The following RABGAP1L variants were observed in gnomAD, a reference collection of about 807,000 sequenced individuals.
The protein encoded by RABGAP1L is rab GTPase-activating protein 1-like.
Under a neutral mutation model 137.7 loss-of-function variants are expected in RABGAP1L, and 63 were observed. The ratio of observed to expected loss-of-function variants is 0.46; its 90% CI spans 0.37 to 0.56. The LOEUF is 0.56. RABGAP1L is among the 20% of genes least tolerant of loss of function. The pLI, the probability that RABGAP1L is intolerant of heterozygous loss-of-function variation, is 0.00. For synonymous variants in RABGAP1L, 431 were observed against 433.7 expected, an observed-to-expected ratio of 0.99 and a Z score of 0.08; for missense variants, 1,095 against 1,244.0, an observed-to-expected ratio of 0.88 and a Z score of 1.80.
chr1:174,687,177 G>A (rs1572811651), intron 15 of RABGAP1L, among the ~76,000 whole-genome samples: 1 of 152,022 alleles, frequency 6.6e-6, no homozygotes, highest in African/African-American at 2.4e-5. Context: ...TTCAAATAAC[G>A]AGAGCTCAAA....
chr1:174,670,709 T>C (rs909915512), intron 14 of RABGAP1L, among the ~76,000 whole-genome samples: 22 of 152,182 alleles, frequency 1.4e-4, no homozygotes, highest in Admixed American at 1.4e-3. Flanking sequence ...GTTCCATCCA[T>C]GTTGTTGCAA....
intron 13 of RABGAP1L, among the ~76,000 whole-genome samples, chr1:174,527,204 G>GT (rs57011947): frequency 0.024 from 2,900 of 119,586 alleles, 81 homozygotes; most frequent in African/African-American, 0.067. Context: ...TTTTTATTTT[G>GT]TTTTTTTTTT....
intron 17 of RABGAP1L, among the ~76,000 whole-genome samples, chr1:174,714,511 A>G (rs1253750072): frequency 1.3e-5 from 2 of 152,258 alleles, no homozygotes; most frequent in South Asian, 2.1e-4. Context: ...AGTAACGGAC[A>G]TAATTATTTT....
chr1:174,730,440 C>A (rs768387323), intron 17 of RABGAP1L, among the ~76,000 whole-genome samples: 2 of 152,168 alleles, frequency 1.3e-5, no homozygotes, highest in Non-Finnish European at 2.9e-5. Flanking sequence ...TGTAACCGAC[C>A]TGCATATGTA....
chr1:174,430,715 G>T (rs1009001502), intron 13 of RABGAP1L, among the ~76,000 whole-genome samples: 1 of 152,156 alleles, frequency 6.6e-6, no homozygotes, highest in African/African-American at 2.4e-5. Flanking sequence ...TTGGAAGTCA[G>T]TAATATGTAG....
At chr1:174,944,009 G>A (rs1425110626) in intron 19 of RABGAP1L, among the ~76,000 whole-genome samples, 2 of 152,000 alleles carry the variant, frequency 1.3e-5, no homozygotes, top group African/African-American at 2.4e-5. Flanking sequence ...AATGGCTCAC[G>A]CCTATAATCC....
At chr1:174,984,674 A>G (rs1300146783) in intron 24 of RABGAP1L, among the ~76,000 whole-genome samples, 1 of 152,244 alleles carries the variant, frequency 6.6e-6, no homozygotes, top group East Asian at 1.9e-4. Flanking sequence ...CCCAGGAGGC[A>G]GAGGTTGCAG....
chr1:174,190,316 A>AGAAAG (rs528846882), intron 1 of RABGAP1L, among the ~76,000 whole-genome samples: 2 of 150,776 alleles, frequency 1.3e-5, no homozygotes, highest in African/African-American at 4.9e-5. Flanking sequence ...AAAAAAAAAA[A>AGAAAG]AAAGAAAGAA....
intron 17 of RABGAP1L, among the ~76,000 whole-genome samples, chr1:174,707,778 C>A (rs1442546971): frequency 1.3e-5 from 2 of 152,190 alleles, no homozygotes; most frequent in Non-Finnish European, 2.9e-5. Context: ...TTTCTAATCA[C>A]CTTCCCCTCC....
At chr1:174,932,012 TTTG>T (rs1429256578) in intron 19 of RABGAP1L, among the ~76,000 whole-genome samples, 10 of 146,128 alleles carry the variant, frequency 6.8e-5, no homozygotes, top group African/African-American at 2.6e-4. Context: ...TTTTTTTTTT[TTTG>T]CCTGTCCAGT....
At chr1:174,963,738 A>C (rs1223891645) in intron 20 of RABGAP1L, among the ~76,000 whole-genome samples, 2 of 151,862 alleles carry the variant, frequency 1.3e-5, no homozygotes, top group African/African-American at 4.8e-5. Context: ...ACACAACCAC[A>C]CCTGTTTATT....
In RABGAP1L at chr1:174,662,406, G is replaced by GTTGTTTGT. The variant is rs556333223; in HGVS notation, c.1825-21097_1825-21090dup. Among the ~76,000 whole-genome samples, 1,047 of 150,114 alleles carry GTTGTTTGT rather than the reference G, an allele frequency of 7.0e-3. 9 individuals carry two copies. The highest frequency in any genetic ancestry group is 0.025 in the African/African-American group (1,000 of 40,716). On this transcript the variant is annotated intron_variant, in intron 14 of 25. Coordinates refer to ENST00000681986, the MANE Select transcript of RABGAP1L (RefSeq NM_001366446.1). ...GGCGTGAGCCACCGCGCCTGGCCTG[G>GTTGTTTGT]TTGTTTGTTTGTTTGTTTGTTTGTT... is the stretch of plus-strand genomic sequence containing the variant.
chr1:174,635,351 G>A lies in RABGAP1L; in HGVS notation c.1711-2024G>A, dbSNP rs138954621. On this transcript the variant is annotated intron_variant, in intron 13 of 25. Transcript: ENST00000681986. ...TAACATTTTTATTCCTCATCTTTCA[G>A]GTAGTTTATAAGTGGAAACTATTAA... Among the ~76,000 whole-genome samples, 109 of 152,148 alleles carry A rather than the reference G, an allele frequency of 7.2e-4. 1 individual carries two copies. Among genetic ancestry groups the A allele is most frequent in the African/African-American group, 2.4e-3 (101 of 41,492 alleles).
At chr1:174,170,894 A>G (rs947714604) in intron 1 of RABGAP1L, among the ~76,000 whole-genome samples, 1 of 152,196 alleles carries the variant, frequency 6.6e-6, no homozygotes, top group Non-Finnish European at 1.5e-5. Context: ...TTATTGGATA[A>G]TATTTGAGAC....
rs879516938 is a variant in RABGAP1L, at chr1:174,234,286, C to T, written c.542+2931C>T. Among the ~76,000 whole-genome samples, 631 of 120,062 alleles carry T rather than the reference C, an allele frequency of 5.3e-3. 3 individuals carry two copies. Among genetic ancestry groups the T allele is most frequent in the South Asian group, 8.5e-3 (31 of 3,636 alleles). The allele number at this position is 120,062 out of a possible 152,430, so 78.8% of individuals were successfully genotyped here. Reference sequence around the variant, plus strand: ...TTTAGTTTAATTAGATCCCATTTGTCAATTTTGTCTTTTGTTGCCATTGCT... The same window carrying T: ...TTTAGTTTAATTAGATCCCATTTGTTAATTTTGTCTTTTGTTGCCATTGCT... On this transcript the variant is annotated intron_variant, in intron 4 of 25. Coordinates refer to ENST00000681986, the MANE Select transcript of RABGAP1L (RefSeq NM_001366446.1).
chr1:174,863,075 G>T (rs573813686), intron 19 of RABGAP1L, among the ~76,000 whole-genome samples: 1 of 151,092 alleles, frequency 6.6e-6, no homozygotes, highest in African/African-American at 2.4e-5. Flanking sequence ...TGTATTTTTA[G>T]TAGAGACGGG....
intron 13 of RABGAP1L, among the ~76,000 whole-genome samples, chr1:174,496,856 T>C (rs1311244013): frequency 6.6e-6 from 1 of 152,206 alleles, no homozygotes; most frequent in Non-Finnish European, 1.5e-5. Context: ...GACCAAGTTA[T>C]GTTTAGTTGG....
chr1:174,666,577 TG>T, intron 14 of RABGAP1L, among the ~76,000 whole-genome samples: 1 of 152,338 alleles, frequency 6.6e-6, no homozygotes, highest in Non-Finnish European at 1.5e-5. Context: ...TTTGACCCAT[TG>T]TTGCACTCTC....
At chr1:174,631,943 T>C (rs1276579226) in intron 13 of RABGAP1L, among the ~76,000 whole-genome samples, 2 of 105,118 alleles carry the variant, frequency 1.9e-5, no homozygotes, top group Non-Finnish European at 3.8e-5. Flanking sequence ...ATTATGATGT[T>C]AGCTGGTGAT....
Sources: allele counts gnomAD v4.1 joint callset (sites outside exome capture counted in the v4.1 genomes callset), GRCh38; gene constraint gnomAD v4.1.1; transcripts MANE v1.5; gene names NCBI Gene and HGNC (gene_info 2026-07-23, HGNC 2026-07-21).